The following AKR7A3 variants were observed in gnomAD, a reference collection of about 807,000 sequenced individuals.
The protein encoded by AKR7A3 is AFB1 aldehyde reductase 2.
A neutral mutation model predicts 32.5 loss-of-function variants in AKR7A3; 37 were observed. That is an observed-to-expected ratio of 1.14 (90% confidence interval 0.88 to 1.50). The LOEUF (loss-of-function observed/expected upper bound fraction) is 1.50. AKR7A3 is among the 40% of genes most tolerant of loss of function. AKR7A3 has a pLI of 0.00. For missense variants in AKR7A3, 412 were observed against 453.2 expected, an observed-to-expected ratio of 0.91 and a Z score of 0.83; for synonymous variants, 177 against 188.4, an observed-to-expected ratio of 0.94 and a Z score of 0.50.
intron 2 of AKR7A3, 91 bp downstream of exon 2, chr1:19,286,094 G>C: frequency 6.3e-7 from 1 of 1,590,366 alleles, no homozygotes. Flanking sequence ...GCTCCACCCT[G>C]GAACAGCCCT....
At chr1:19,277,717 C>T (rs1215227817), downstream of AKR7A3, among the ~76,000 whole-genome samples, 1 of 151,842 alleles carries the variant, frequency 6.6e-6, no homozygotes, top group African/African-American at 2.4e-5. Context: ...GACAGCGTCT[C>T]GCCATGTTGG....
rs2093720830 is a variant in AKR7A3 at position 19,282,712 on chromosome 1, A to AAACGATG, written c.*18_*19insCATCGTT. 3 of 1,613,902 alleles carry AAACGATG rather than the reference A, an allele frequency of 1.9e-6. No individual in the cohort carries two copies. In the East Asian group the frequency reaches 6.7e-5, roughly 36 times the overall value. On this transcript the variant is annotated 3_prime_UTR_variant, in exon 7 of 7. Transcript: ENST00000361640. ...AAGATGTTACAGAAGAGCCTTGGGCAGCCTGAGAAACGATGGGCCTAGCGG... is the reference window on the plus strand; with the variant it reads ...AAGATGTTACAGAAGAGCCTTGGGCAAACGATGGCCTGAGAAACGATGGGCCTAGCGG...
the AKR7A3 span, chr1:19,274,246 C>G: frequency 7.7e-7 from 1 of 1,304,844 alleles, no homozygotes; most frequent in Non-Finnish European, 9.9e-7. Flanking sequence ...CGCTGGACTC[C>G]GCTCTCAACC....
rs151100364 is a variant in AKR7A3, at chr1:19,285,089, T to C, written c.533A>G (p.Gln178Arg). 1,167 of 1,613,470 alleles carry C rather than the reference T, an allele frequency of 7.2e-4. 34 individuals carry two copies. In the African/African-American group the frequency reaches 0.014, roughly 19 times the overall value. The stretch of plus-strand genomic sequence containing the variant: ...GCAGGGGAAGAGCTCCGTTTCCACC[T>C]GCCGGGTGATGGCATTGTACATGCC... ...YQGMYNAITR[Q>R]VETELFPCLR... Residue 178 changes from glutamine (Q) to arginine (R), a missense_variant, in exon 4 of 7, where the codon CAG becomes CGG. Physicochemically the swap from Gln to Arg is conservative, Grantham distance 43. Transcript: ENST00000361640.
chr1:19,284,745 A>C lies in AKR7A3; in HGVS notation c.645T>G (p.Asn215Lys). The C allele has an allele frequency of 6.2e-7, 1 of 1,613,658 alleles. No individual in the cohort carries two copies. The highest frequency in any genetic ancestry group is 2.2e-5 in the East Asian group (1 of 44,878). Residue 215 changes from asparagine to lysine, a missense_variant, in exon 5 of 7, where the codon AAT (asparagine) becomes AAG (lysine). By Grantham distance (94) the Asn-to-Lys change is moderately conservative. Coordinates refer to ENST00000361640, the MANE Select transcript of AKR7A3 (RefSeq NM_012067.3). Reference protein sequence around the residue: ...LTGKYKYEDKNGKQPVGRFFG... With the variant: ...LTGKYKYEDKKGKQPVGRFFG... ...AGAAGCGGCCCACGGGCTGTTTCCC[A>C]TTCTTGTCCTCATACTTGTACTTGC...
At chr1:19,274,766 G>A in the AKR7A3 span, among the ~76,000 whole-genome samples, 93,289 of 149,132 alleles carry the variant, frequency 0.63, 30,367 homozygotes, top group South Asian at 0.79. Flanking sequence ...GGCAACATAG[G>A]GAGGCCCTGT....
chr1:19,285,801 G>C (rs2093728516), intron 3 of AKR7A3, 87 bp downstream of exon 3: 11 of 1,529,950 alleles, frequency 7.2e-6, no homozygotes, highest in East Asian at 2.3e-5. Context: ...GCTATGCAGA[G>C]GGCACAGGGG....
chr1:19,286,765 C>T (rs2151982585), intron 1 of AKR7A3, among the ~76,000 whole-genome samples: 1 of 151,878 alleles, frequency 6.6e-6, no homozygotes, highest in Non-Finnish European at 1.5e-5. Flanking sequence ...AGTCCTCTTC[C>T]CACTTTTCAC....
the AKR7A3 span, among the ~76,000 whole-genome samples, chr1:19,276,582 A>C: frequency 6.6e-6 from 1 of 151,180 alleles, no homozygotes; most frequent in Non-Finnish European, 1.5e-5. Context: ...CAGGCAGATC[A>C]CTTGAGGTCA....
In AKR7A3 at chr1:19,287,394, C is replaced by T. The variant is rs79934678; in HGVS notation, c.215-1022G>A. ...AGAAAGAGCGTGGCACTGGGATGCA[C>T]GCACAGGCCAGGTTCGTTCTGGATC... On this transcript the variant is annotated intron_variant, in intron 1 of 6. Coordinates refer to ENST00000361640, the MANE Select transcript of AKR7A3 (RefSeq NM_012067.3). Among the ~76,000 whole-genome samples, 331 of 151,628 alleles carry T rather than the reference C, an allele frequency of 2.2e-3. 7 individuals carry two copies. In the East Asian group the frequency reaches 0.024, roughly 11 times the overall value.
At chr1:19,282,936 G>C in intron 6 of AKR7A3, 44 bp from the exon 7 acceptor site, 1 of 1,591,346 alleles carries the variant, frequency 6.3e-7, no homozygotes, top group Non-Finnish European at 8.6e-7. Flanking sequence ...CTGCTGCACA[G>C]CGACTCTACT....
chr1:19,282,256 T>C (rs1427549934), downstream of AKR7A3, among the ~76,000 whole-genome samples: 1 of 151,812 alleles, frequency 6.6e-6, no homozygotes, highest in Non-Finnish European at 1.5e-5. Context: ...CCCACATGAA[T>C]GGCTTGGTGC....
At chr1:19,280,931 C>T (rs1205649546), downstream of AKR7A3, among the ~76,000 whole-genome samples, 1 of 151,762 alleles carries the variant, frequency 6.6e-6, no homozygotes, top group African/African-American at 2.4e-5. Context: ...TTGACAATAC[C>T]ATGAAAGGGT....
rs2995179 is a variant in AKR7A3 at position 19,285,878 on chromosome 1, T to C, written c.507+10A>G. On this transcript the variant is annotated intron_variant, in intron 3 of 6. Transcript: ENST00000361640. ...CTGGAGACCTTGGCCTCTGCAGCCC[T>C]GGCTCTCACCTGGTACACAGTGGGC... 6.0e-5 allele frequency: 97 copies of C among 1,613,516 alleles called. No homozygotes were observed. Among genetic ancestry groups the C allele is most frequent in the South Asian group, 5.6e-4 (51 of 91,006 alleles).
intron 5 of AKR7A3, 62 bp from the exon 6 acceptor site, chr1:19,284,187 C>A: frequency 6.4e-7 from 1 of 1,557,792 alleles, no homozygotes; most frequent in South Asian, 1.2e-5. Context: ...ACCAAAGAGC[C>A]AACCAGGGCC....
downstream of AKR7A3, among the ~76,000 whole-genome samples, chr1:19,279,365 T>A (rs1192239403): frequency 6.6e-6 from 1 of 151,946 alleles, no homozygotes; most frequent in Non-Finnish European, 1.5e-5. Flanking sequence ...TATTGGCTAT[T>A]ATGAGTAATG....
downstream of AKR7A3, among the ~76,000 whole-genome samples, chr1:19,282,235 T>TG (rs990753086): frequency 2.6e-5 from 4 of 151,746 alleles, 1 homozygote; most frequent in African/African-American, 9.7e-5. Context: ...GGTTAGGGTA[T>TG]GGGGGCAAAT....
Position 19,282,878 on chromosome 1 carries a change from G to A in AKR7A3, c.849C>T (p.Asp283=), listed in dbSNP as rs376727780. 33 of 1,612,210 alleles carry A rather than the reference G, an allele frequency of 2.0e-5. No individual in the cohort carries two copies. The highest frequency in any genetic ancestry group is 7.7e-5 in the South Asian group (7 of 91,000). ...HHSQLQGAHG[D]AVILGMSSLE... ...GGCTGGACATGCCCAGGATGACCGC[G>A]TCCCCGTGGGCACCCTGCAAGGGAG... is the stretch of plus-strand genomic sequence containing the variant. Residue 283 remains aspartate, a synonymous_variant, in exon 7 of 7, where the codon GAC becomes GAT. Transcript: ENST00000361640.
chr1:19,288,347 C>A, intron 1 of AKR7A3, 149 bp downstream of exon 1: 1 of 1,010,640 alleles, frequency 9.9e-7, no homozygotes, highest in East Asian at 2.8e-5. Flanking sequence ...GCCTGGTGTT[C>A]CCAAGGCTGC....
Sources: gnomAD v4.1 joint callset for allele counts (sites outside exome capture counted in the v4.1 genomes callset) on GRCh38, gnomAD v4.1.1 for gene constraint, MANE v1.5 for transcripts, NCBI Gene and HGNC (gene_info 2026-07-23, HGNC 2026-07-21) for gene names.